RORB: variants seen among roughly 807,000 people sequenced by gnomAD.
RORB encodes the protein RAR related orphan receptor B.
In RORB, 6 loss-of-function variants were observed where a neutral mutation model predicts 59.1. The observed-to-expected ratio is 0.10, with a 90% CI of 0.06 to 0.20. RORB has a LOEUF of 0.20. RORB is among the 10% of genes least tolerant of loss of function. RORB has a pLI of 1.00. For missense variants in RORB, 320 were observed against 560.5 expected (o/e 0.57, Z 4.33); for synonymous variants, 215 against 204.5 (o/e 1.05, Z -0.44).
intron 1 of RORB, among the ~76,000 whole-genome samples, chr9:74,518,054 C>G (rs1472148864): frequency 6.6e-6 from 1 of 151,978 alleles, no homozygotes; most frequent in Non-Finnish European, 1.5e-5. Flanking sequence ...TTTTTAACAG[C>G]TCTGCCCTCC....
At chr9:74,680,239 G>A (rs1219660680) in intron 9 of RORB, among the ~76,000 whole-genome samples, 3 of 152,104 alleles carry the variant, frequency 2.0e-5, no homozygotes, top group Non-Finnish European at 4.4e-5. Flanking sequence ...TAAAAATGCA[G>A]CCATCAATCA....
chr9:74,578,283 A>C (rs938487247), intron 1 of RORB, among the ~76,000 whole-genome samples: 1 of 152,162 alleles, frequency 6.6e-6, no homozygotes, highest in African/African-American at 2.4e-5. Flanking sequence ...AGGGGACAAG[A>C]TACTGATTAT....
chr9:74,666,019 G>C (rs1824258207), intron 7 of RORB, among the ~76,000 whole-genome samples: 2 of 152,206 alleles, frequency 1.3e-5, no homozygotes, highest in Admixed American at 6.5e-5. Context: ...AGGTGTGGTG[G>C]CTCATGCCTG....
intron 1 of RORB, among the ~76,000 whole-genome samples, chr9:74,541,203 C>G (rs919559826): frequency 7.2e-6 from 1 of 138,132 alleles, no homozygotes; most frequent in African/African-American, 2.7e-5. Context: ...TCACTTGAAC[C>G]TTGGAGGTGG....
intron 1 of RORB, among the ~76,000 whole-genome samples, chr9:74,619,515 G>A (rs1168012922): frequency 2.0e-5 from 3 of 152,210 alleles, no homozygotes; most frequent in East Asian, 3.9e-4. Flanking sequence ...GCAGTGGCGC[G>A]ATCTTGGCTC....
In RORB at chr9:74,624,126, AT is replaced by A. The variant is rs563003603; in HGVS notation, c.8-6154del. ...CCTTTGAAAATGATCTTCTTTTGTC[AT>A]TATCATATGGTAGTAATTTTTTTCT... is the stretch of plus-strand genomic sequence containing the variant. On this transcript the variant is annotated intron_variant, in intron 1 of 9. Coordinates refer to ENST00000376896, the MANE Select transcript of RORB (RefSeq NM_006914.4). Among the ~76,000 whole-genome samples, 1,218 of 152,272 alleles carry A rather than the reference AT, an allele frequency of 8.0e-3. 10 individuals carry two copies. Among genetic ancestry groups the A allele is most frequent in the Non-Finnish European group, 0.013 (888 of 68,016 alleles).
chr9:74,654,725 T>C lies in RORB; in HGVS notation c.638-5892T>C, dbSNP rs370526442. On this transcript the variant is annotated intron_variant, in intron 4 of 9. Coordinates refer to ENST00000376896, the MANE Select transcript of RORB (RefSeq NM_006914.4). ...ACATTGTCATTTCTATCCCATAAAG[T>C]TGCTCAATATATAAAGTTATAAATT... Among the ~76,000 whole-genome samples, 139 of 152,320 alleles carry C rather than the reference T, an allele frequency of 9.1e-4. No individual in the cohort carries two copies. The Middle Eastern group carries it at 0.01, about 11-fold the overall frequency.
intron 1 of RORB, among the ~76,000 whole-genome samples, chr9:74,514,090 C>A (rs1399201288): frequency 6.6e-6 from 1 of 152,034 alleles, no homozygotes; most frequent in Non-Finnish European, 1.5e-5. Context: ...ATTCATTCTT[C>A]GTTAACTTTT....
intron 1 of RORB, among the ~76,000 whole-genome samples, chr9:74,504,865 A>G (rs932087873): frequency 1.3e-5 from 2 of 152,134 alleles, no homozygotes; most frequent in African/African-American, 2.4e-5. Flanking sequence ...ATTGCAATAA[A>G]TTAATTTTAA....
At chr9:74,617,345 A>G (rs971621006) in intron 1 of RORB, among the ~76,000 whole-genome samples, 11 of 152,184 alleles carry the variant, frequency 7.2e-5, no homozygotes, top group African/African-American at 2.7e-4. Flanking sequence ...GTTAAAGTGA[A>G]ATTTGAAAAT....
At chr9:74,543,188 C>T (rs373132266) in intron 1 of RORB, among the ~76,000 whole-genome samples, 3 of 152,140 alleles carry the variant, frequency 2.0e-5, no homozygotes, top group African/African-American at 7.2e-5. Flanking sequence ...ATTAATCACA[C>T]CAATGAGCTT....
At chr9:74,575,881 G>A (rs2118240120) in intron 1 of RORB, among the ~76,000 whole-genome samples, 1 of 152,156 alleles carries the variant, frequency 6.6e-6, no homozygotes, top group Non-Finnish European at 1.5e-5. Context: ...GCATGTAAAA[G>A]CACTTTGTAA....
At chr9:74,682,828 G>T (rs944234745) in intron 9 of RORB, among the ~76,000 whole-genome samples, 4 of 152,194 alleles carry the variant, frequency 2.6e-5, no homozygotes, top group Non-Finnish European at 4.4e-5. Context: ...CTGGCTTCAA[G>T]CGATCCTCTT....
chr9:74,667,986 T>C (rs1004855390), intron 8 of RORB, 85 bp downstream of exon 8: 1 of 815,068 alleles, frequency 1.2e-6, no homozygotes, highest in East Asian at 2.5e-5. Flanking sequence ...AGCCAAAGTG[T>C]TCAGGAGAAA....
At chr9:74,582,558 G>A (rs1348955427) in intron 1 of RORB, among the ~76,000 whole-genome samples, 1 of 152,156 alleles carries the variant, frequency 6.6e-6, no homozygotes, top group East Asian at 1.9e-4. Flanking sequence ...GGCCCTTGCA[G>A]TATCCTTAAA....
At chr9:74,531,663 G>T (rs1372914748) in intron 1 of RORB, among the ~76,000 whole-genome samples, 1 of 151,758 alleles carries the variant, frequency 6.6e-6, no homozygotes, top group Non-Finnish European at 1.5e-5. Context: ...TTGTTATTTG[G>T]CTCCTTTAAT....
chr9:74,508,251 A>C (rs1825894170), intron 1 of RORB, among the ~76,000 whole-genome samples: 1 of 152,012 alleles, frequency 6.6e-6, no homozygotes, highest in South Asian at 2.1e-4. Context: ...AATAATGAGA[A>C]TCCTAGTCAG....
chr9:74,557,719 A>C (rs1822328634), intron 1 of RORB, among the ~76,000 whole-genome samples: 1 of 152,058 alleles, frequency 6.6e-6, no homozygotes, highest in African/African-American at 2.4e-5. Flanking sequence ...ACTCTTTATA[A>C]TATCCCTCGC....
chr9:74,615,424 C>T (rs1019880466), intron 1 of RORB, among the ~76,000 whole-genome samples: 2 of 152,194 alleles, frequency 1.3e-5, no homozygotes, highest in East Asian at 1.9e-4. Flanking sequence ...CCTGAGCCAG[C>T]CTTTCACCCT....
Sources: gnomAD v4.1 joint callset for allele counts (sites outside exome capture counted in the v4.1 genomes callset) on GRCh38, gnomAD v4.1.1 for gene constraint, MANE v1.5 for transcripts, NCBI Gene and HGNC (gene_info 2026-07-23, HGNC 2026-07-21) for gene names.